Variants in CCDC88A observed in about 807,000 individuals in gnomAD.
CCDC88A encodes the protein girdin.
A neutral mutation model predicts 234.3 loss-of-function variants in CCDC88A; 54 were observed. The ratio of observed to expected loss-of-function variants is 0.23; its 90% CI spans 0.19 to 0.29. CCDC88A has a LOEUF of 0.29. Ranked by LOEUF, CCDC88A falls within the 10% of genes least tolerant of loss-of-function variation. CCDC88A has a pLI of 1.00. For synonymous variants in CCDC88A, 753 were observed against 737.8 expected, an observed-to-expected ratio of 1.02 and a Z score of -0.33; for missense variants, 1,832 against 2,123.4, an observed-to-expected ratio of 0.86 and a Z score of 2.70.
chr2:55,369,543 C>T (rs1457290812), intron 5 of CCDC88A, among the ~76,000 whole-genome samples: 2 of 151,622 alleles, frequency 1.3e-5, no homozygotes. Flanking sequence ...CCTCCATCTC[C>T]CAGGTTCAAA....
At chr2:55,414,196 C>A (rs1247887707) in intron 2 of CCDC88A, among the ~76,000 whole-genome samples, 1 of 152,118 alleles carries the variant, frequency 6.6e-6, no homozygotes, top group Non-Finnish European at 1.5e-5. Flanking sequence ...CCTAAGACAT[C>A]CATATTTTCA....
rs1220498549 is a variant in CCDC88A at position 55,334,626 on chromosome 2, C to A, written c.2195G>T (p.Ser732Ile). ...QLQLENKELE[S>I]EKEQLKKGLE... ...ACCCTTCTTAAGTTGCTCTTTTTCA[C>A]TTTCCAGTTCTTTGTTTTCTAGCTG... The change falls in exon 15 of 33, where the codon AGT becomes ATT. Residue 732 changes from serine to isoleucine, a missense_variant. Ser to Ile is a moderately radical substitution (Grantham distance 142). Transcript: ENST00000436346. The surrounding 1 kb of genome is among the most constrained non-coding windows in gnomAD (Gnocchi z 6.1). 1 of 1,613,560 alleles carries A rather than the reference C, an allele frequency of 6.2e-7. No individual in the cohort carries two copies. The highest frequency in any genetic ancestry group is 1.7e-5 in the Admixed American group (1 of 59,976).
chr2:55,392,059 G>T (rs899179035), intron 2 of CCDC88A, among the ~76,000 whole-genome samples: 4 of 152,180 alleles, frequency 2.6e-5, no homozygotes, highest in Non-Finnish European at 4.4e-5. Flanking sequence ...AGACTGTGTT[G>T]ACTCATAATT....
intron 3 of CCDC88A, among the ~76,000 whole-genome samples, chr2:55,383,169 G>A (rs1230221578): frequency 6.6e-6 from 1 of 151,752 alleles, no homozygotes; most frequent in Non-Finnish European, 1.5e-5. Context: ...AATCATCTTA[G>A]GGTATTCTGT....
rs1292664555 is a variant in CCDC88A at position 55,332,431 on chromosome 2, T to A, written c.2855+135A>T. Reference sequence around the variant, plus strand: ...GCCACCGCACCCGGCTACAGAACTTTCCTTAAGGGAAGGAAGGAACCAGAA... The same window carrying A: ...GCCACCGCACCCGGCTACAGAACTTACCTTAAGGGAAGGAAGGAACCAGAA... On this transcript the variant is annotated intron_variant, in intron 16 of 32. Transcript: ENST00000436346. This position sits in a 1 kb window ranked among gnomAD's most constrained non-coding sequence, Gnocchi z 4.5. The A allele has an allele frequency of 1.3e-5, 18 of 1,360,984 alleles. No individual in the cohort carries two copies. Among genetic ancestry groups the A allele is most frequent in the Non-Finnish European group, 1.7e-5 (18 of 1,056,648 alleles). The allele number at this position is 1,360,984 out of a possible 1,614,324, so 84.3% of individuals were successfully genotyped here. A position where few individuals can be genotyped will look rare whatever the true frequency, so the allele number is the denominator to read the frequency against.
chr2:55,307,205 T>C (rs1299305510), intron 25 of CCDC88A, among the ~76,000 whole-genome samples: 4 of 152,208 alleles, frequency 2.6e-5, no homozygotes, highest in Non-Finnish European at 5.9e-5. Context: ...TGGAATATAC[T>C]TCCAAAGCTT....
intron 29 of CCDC88A, among the ~76,000 whole-genome samples, chr2:55,298,327 T>C (rs1421203856): frequency 4.0e-5 from 5 of 125,664 alleles, no homozygotes; most frequent in Admixed American, 3.9e-4. Flanking sequence ...ATTTTTCTAC[T>C]GGATGTAAAA....
chr2:55,322,550 C>G lies in CCDC88A; in HGVS notation c.3140G>C (p.Arg1047Thr), dbSNP rs746422551. 1.9e-6 allele frequency: 3 copies of G among 1,591,164 alleles called. No homozygotes were observed. The highest frequency in any genetic ancestry group is 2.6e-6 in the Non-Finnish European group (3 of 1,168,446). Residue 1047 changes from arginine to threonine, a missense_variant, in exon 18 of 33, where the codon AGA becomes ACA. Around this residue, in one of 6 missense-constraint regions of CCDC88A, gnomAD observed 1,282 missense variants for 1,543.6 expected, o/e 0.83. Coordinates refer to ENST00000436346, the MANE Select transcript of CCDC88A (RefSeq NM_001365480.1). ...TTRELLKVKD[R>T]LIEVERNNAT... ...TACATTTCTTTCTACTTCAATTAAT[C>G]TGTCTTTAACTTTCAGAAGTTCTCT...
chr2:55,383,289 A>C lies in CCDC88A; in HGVS notation c.273+5489T>G, dbSNP rs554771500. 2.0e-5 allele frequency among the ~76,000 whole-genome samples: 3 copies of C among 152,148 alleles called. No individual in the cohort carries two copies. The South Asian group carries it at 6.2e-4, about 32-fold the overall frequency. On this transcript the variant is annotated intron_variant, in intron 3 of 32. Coordinates refer to ENST00000436346, the MANE Select transcript of CCDC88A (RefSeq NM_001365480.1). ...ACACTTTTGAATTTTAACTTATCCA[A>C]ATTCACTTTCCCCTTTGTGAGTCAG...
rs547446404 is a variant in CCDC88A at position 55,312,018 on chromosome 2, T to G, written c.4079+416A>C. On this transcript the variant is annotated intron_variant, in intron 23 of 32. Coordinates refer to ENST00000436346, the MANE Select transcript of CCDC88A (RefSeq NM_001365480.1). ...ATACTTTCATCACACTTCCATGACT[T>G]TGTATTGCAGCTCTCCTGGGCTGGC... 5.9e-5 allele frequency among the ~76,000 whole-genome samples: 9 copies of G among 152,302 alleles called. No homozygotes were observed. In the South Asian group the frequency reaches 1.7e-3, roughly 28 times the overall value.
At chr2:55,415,153 A>C (rs1462725930) in intron 2 of CCDC88A, among the ~76,000 whole-genome samples, 1 of 152,104 alleles carries the variant, frequency 6.6e-6, no homozygotes, top group Non-Finnish European at 1.5e-5. Context: ...AATGTAATTA[A>C]AAGTATATAA....
At chr2:55,342,163 G>C (rs889842574) in intron 12 of CCDC88A, among the ~76,000 whole-genome samples, 3 of 152,072 alleles carry the variant, frequency 2.0e-5, no homozygotes, top group African/African-American at 7.2e-5. Context: ...AAATGAGATA[G>C]AAAAGTTCTG....
intron 2 of CCDC88A, among the ~76,000 whole-genome samples, chr2:55,407,526 A>C (rs1299916552): frequency 2.0e-5 from 3 of 151,186 alleles, no homozygotes; most frequent in Admixed American, 1.3e-4. Flanking sequence ...AGTGGCTTGA[A>C]ACCGGGAGGC....
Position 55,317,434 on chromosome 2 carries a change from A to G in CCDC88A, c.3603-85T>C. ...AGGAAATGAGTAATGAGTATCATTT[A>G]AAACACATGTAAATTTATATAAATT... On this transcript the variant is annotated intron_variant, in intron 20 of 32. Transcript: ENST00000436346. The surrounding 1 kb of genome is among the most constrained non-coding windows in gnomAD (Gnocchi z 4.2). The G allele has an allele frequency of 8.3e-7, 1 of 1,200,116 alleles. No individual in the cohort carries two copies. Among genetic ancestry groups the G allele is most frequent in the Non-Finnish European group, 1.1e-6 (1 of 884,738 alleles). The allele number at this position is 1,200,116 out of a possible 1,614,324, so 74.3% of individuals were successfully genotyped here. A position where few individuals can be genotyped will look rare whatever the true frequency, so the allele number is the denominator to read the frequency against.
intron 3 of CCDC88A, among the ~76,000 whole-genome samples, chr2:55,378,501 T>C (rs769580695): frequency 6.6e-6 from 1 of 152,308 alleles, no homozygotes; most frequent in Non-Finnish European, 1.5e-5. Flanking sequence ...TATGCCTTTT[T>C]TGGGAGAGGG....
Position 55,401,433 on chromosome 2 carries a change from C to CAAAAAAAAAAAAAA in CCDC88A, c.165-12548_165-12547insTTTTTTTTTTTTTT, listed in dbSNP as rs1418741634. On this transcript the variant is annotated intron_variant, in intron 2 of 32. Transcript: ENST00000436346. ...TGGATGACAGAGAAAGACTCTGTCT[C>CAAAAAAAAAAAAAA]CAAAAAAAAAAAAAATATATATATA... Among the ~76,000 whole-genome samples, 238 of 30,080 alleles carry CAAAAAAAAAAAAAA rather than the reference C, an allele frequency of 7.9e-3. 73 individuals are homozygous for CAAAAAAAAAAAAAA. The highest frequency in any genetic ancestry group is 0.048 in the Middle Eastern group (3 of 62). 19.7% of individuals were successfully genotyped at this position (30,080 alleles called of 152,430 possible). A position where few individuals can be genotyped will look rare whatever the true frequency, so the allele number is the denominator to read the frequency against.
At chr2:55,305,340 A>T (rs1681419882) in intron 25 of CCDC88A, among the ~76,000 whole-genome samples, 1 of 152,228 alleles carries the variant, frequency 6.6e-6, no homozygotes, top group Non-Finnish European at 1.5e-5. Flanking sequence ...ACTGAAATTA[A>T]GGGAACATTA....
chr2:55,349,862 A>C (rs1023948898), intron 8 of CCDC88A: 1 of 274,954 alleles, frequency 3.6e-6, no homozygotes, highest in African/African-American at 2.2e-5. Flanking sequence ...CTCTCTTTTC[A>C]TCTTTCCTGC....
intron 3 of CCDC88A, among the ~76,000 whole-genome samples, chr2:55,382,823 C>A (rs1052753235): frequency 6.6e-6 from 1 of 152,068 alleles, no homozygotes; most frequent in African/African-American, 2.4e-5. Flanking sequence ...TCTCTCATGA[C>A]CTCTCATATT....
Sources: allele counts gnomAD v4.1 joint callset (sites outside exome capture counted in the v4.1 genomes callset), GRCh38; gene constraint gnomAD v4.1.1; regional missense constraint gnomAD v4.1.1; non-coding constraint Gnocchi (gnomAD v3.1); transcripts MANE v1.5; gene names NCBI Gene and HGNC (gene_info 2026-07-23, HGNC 2026-07-21).